Variants in SUGCT observed in about 807,000 individuals in gnomAD.
SUGCT encodes succinyl-CoA:glutarate-CoA transferase, also known as succinyl-CoA:glutarate CoA-transferase.
Under a neutral mutation model 55.0 loss-of-function variants are expected in SUGCT, and 41 were observed. That is an observed-to-expected ratio of 0.74 (90% CI 0.58 to 0.97). The LOEUF (loss-of-function observed/expected upper bound fraction) is 0.97, where lower values mean the gene tolerates loss of function less well. Ranked by LOEUF, SUGCT falls within the 50% of genes least tolerant of loss-of-function variation. SUGCT has a pLI of 0.00. For missense variants in SUGCT, 568 were observed against 547.8 expected, an observed-to-expected ratio of 1.04 and a Z score of -0.37; for synonymous variants, 187 against 200.4, an observed-to-expected ratio of 0.93 and a Z score of 0.56.
the SUGCT span, among the ~76,000 whole-genome samples, chr7:40,950,401 A>G: frequency 2.6e-5 from 4 of 152,212 alleles, no homozygotes; most frequent in African/African-American, 7.2e-5. Flanking sequence ...GTCATCTGCA[A>G]ACAGGGACAA....
At chr7:40,843,732 G>T (rs149676215) in intron 13 of SUGCT, among the ~76,000 whole-genome samples, 12 of 152,212 alleles carry the variant, frequency 7.9e-5, no homozygotes, top group East Asian at 3.9e-4. Context: ...GAAGGCACAG[G>T]GTGGCTTGGT....
intron 1 of SUGCT, among the ~76,000 whole-genome samples, chr7:40,159,385 G>GTTTT (rs1215516151): frequency 6.6e-6 from 1 of 151,912 alleles, no homozygotes; most frequent in East Asian, 1.9e-4. Flanking sequence ...TTGTTTGTTT[G>GTTTT]TTTTGAGACT....
chr7:40,246,314 A>G (rs1789873796), intron 7 of SUGCT, among the ~76,000 whole-genome samples: 1 of 151,704 alleles, frequency 6.6e-6, no homozygotes, highest in African/African-American at 2.4e-5. Flanking sequence ...TAGTGGTGCA[A>G]CCTTGGCTCA....
the SUGCT span, among the ~76,000 whole-genome samples, chr7:40,922,105 A>G: frequency 1.3e-5 from 2 of 152,298 alleles, no homozygotes; most frequent in South Asian, 2.1e-4. Flanking sequence ...TGGTTATCCA[A>G]TGCTATGAGG....
intron 12 of SUGCT, among the ~76,000 whole-genome samples, chr7:40,660,193 A>G (rs981731916): frequency 6.6e-6 from 1 of 152,188 alleles, no homozygotes; most frequent in Non-Finnish European, 1.5e-5. Flanking sequence ...ATTCAATATG[A>G]GGTAATGTCT....
At chr7:40,622,823 T>C (rs78225452) in intron 12 of SUGCT, among the ~76,000 whole-genome samples, 3,426 of 152,144 alleles carry the variant, frequency 0.023, 124 homozygotes, top group African/African-American at 0.079. Flanking sequence ...TCCCTGACTT[T>C]CCACATGCAT....
chr7:40,698,151 T>C (rs1246009620), intron 12 of SUGCT, among the ~76,000 whole-genome samples: 3 of 152,188 alleles, frequency 2.0e-5, no homozygotes, highest in African/African-American at 7.2e-5. Flanking sequence ...GATGGCAGCC[T>C]GCAAGTGGCT....
At chr7:40,159,277 G>C (rs542102145) in intron 1 of SUGCT, among the ~76,000 whole-genome samples, 49 of 151,938 alleles carry the variant, frequency 3.2e-4, no homozygotes, top group Middle Eastern at 3.4e-3. Flanking sequence ...AATTGGAGTA[G>C]TATTTTTAGG....
chr7:40,898,286 A>G, the SUGCT span, among the ~76,000 whole-genome samples: 74,490 of 151,864 alleles, frequency 0.49, 18,542 homozygotes, highest in East Asian at 0.59. Context: ...GAAGGAACAA[A>G]CAACTCCAGA....
At chr7:40,972,154 T>C in the SUGCT span, among the ~76,000 whole-genome samples, 3 of 152,184 alleles carry the variant, frequency 2.0e-5, no homozygotes, top group African/African-American at 7.2e-5. Flanking sequence ...CTCAAAAATA[T>C]GTTGTTATTT....
chr7:40,813,030 C>T (rs1791501015), intron 13 of SUGCT, among the ~76,000 whole-genome samples: 1 of 152,046 alleles, frequency 6.6e-6, no homozygotes, highest in South Asian at 2.1e-4. Flanking sequence ...GAGAGGTCTT[C>T]TTCGTACTGA....
At chr7:40,433,378 G>A (rs1788010115) in intron 9 of SUGCT, among the ~76,000 whole-genome samples, 1 of 149,192 alleles carries the variant, frequency 6.7e-6, no homozygotes, top group Admixed American at 6.7e-5. Flanking sequence ...ATATCCACAT[G>A]TTTCAAAAAG....
intron 12 of SUGCT, among the ~76,000 whole-genome samples, chr7:40,667,533 G>A (rs761012812): frequency 1.4e-4 from 21 of 150,294 alleles, no homozygotes; most frequent in Non-Finnish European, 2.8e-4. Flanking sequence ...GCTTTTCTTT[G>A]TATGTCTGGT....
At chr7:40,140,974 G>A (rs1263396051) in intron 1 of SUGCT, among the ~76,000 whole-genome samples, 4 of 152,102 alleles carry the variant, frequency 2.6e-5, no homozygotes, top group Non-Finnish European at 2.9e-5. Flanking sequence ...TTCAGCCTAC[G>A]TGCATGGGGT....
chr7:40,907,346 G>C, the SUGCT span, among the ~76,000 whole-genome samples: 172 of 152,196 alleles, frequency 1.1e-3, no homozygotes, highest in Non-Finnish European at 2.2e-3. Context: ...GGGGTGGTGT[G>C]TAATCTAGTT....
At chr7:40,970,302 G>C in the SUGCT span, among the ~76,000 whole-genome samples, 1,188 of 152,256 alleles carry the variant, frequency 7.8e-3, 18 homozygotes, top group African/African-American at 0.027. Flanking sequence ...CTCCCGAGTA[G>C]GTGGGATTAC....
the SUGCT span, among the ~76,000 whole-genome samples, chr7:40,880,446 T>C: frequency 6.6e-6 from 1 of 152,178 alleles, no homozygotes; most frequent in African/African-American, 2.4e-5. Context: ...TCTCCATCAA[T>C]CTTTCATCTT....
chr7:40,219,483 C>T (rs911504620), intron 6 of SUGCT, among the ~76,000 whole-genome samples: 3 of 152,188 alleles, frequency 2.0e-5, no homozygotes, highest in Admixed American at 2.0e-4. Flanking sequence ...ACAATAGAAG[C>T]CTGGCTCCCA....
At chr7:40,841,807 T>G (rs771359153) in intron 13 of SUGCT, among the ~76,000 whole-genome samples, 34 of 152,146 alleles carry the variant, frequency 2.2e-4, no homozygotes, top group Non-Finnish European at 8.8e-5. Flanking sequence ...ACCCTTAGTG[T>G]GAGAAGAGAG....
Sources: gnomAD v4.1 joint callset for allele counts (sites outside exome capture counted in the v4.1 genomes callset) on GRCh38, gnomAD v4.1.1 for gene constraint, MANE v1.5 for transcripts, NCBI Gene and HGNC (gene_info 2026-07-23, HGNC 2026-07-21) for gene names.